RNLS: variants seen among roughly 807,000 people sequenced by gnomAD.
RNLS encodes renalase.
In RNLS, 39 loss-of-function variants were observed where a neutral mutation model predicts 39.8. That is an observed-to-expected ratio of 0.98 (90% CI 0.76 to 1.28). The LOEUF (loss-of-function observed/expected upper bound fraction) is 1.28. Ranked by LOEUF, RNLS falls within the 50% of genes most tolerant of loss-of-function variation. RNLS has a pLI of 0.00. For synonymous variants in RNLS, 147 were observed against 150.7 expected (o/e 0.98, Z 0.18); for missense variants, 410 against 413.3 (o/e 0.99, Z 0.07).
intron 4 of RNLS, among the ~76,000 whole-genome samples, chr10:88,443,159 C>G (rs1051891438): frequency 6.6e-6 from 1 of 152,316 alleles, no homozygotes; most frequent in East Asian, 1.9e-4. Flanking sequence ...ACAAATTTTA[C>G]AATTTTATGA....
At chr10:88,230,517 G>A in the RNLS span, among the ~76,000 whole-genome samples, 1 of 152,054 alleles carries the variant, frequency 6.6e-6, no homozygotes, top group Non-Finnish European at 1.5e-5. Context: ...CCCCTCCAAT[G>A]CATCTCACAC....
At chr10:88,218,601 G>T in the RNLS span, among the ~76,000 whole-genome samples, 1 of 152,164 alleles carries the variant, frequency 6.6e-6, no homozygotes, top group Non-Finnish European at 1.5e-5. Context: ...CCACTGTTAG[G>T]ATAAGCTATG....
In RNLS at chr10:88,284,553, C is replaced by T. The variant is rs1410693797; in HGVS notation, c.*801G>A. On this transcript the variant is annotated 3_prime_UTR_variant, in exon 7 of 7. Transcript: ENST00000331772. ...TTTGTTGTGTTAAATTCATTAAACT[C>T]GACACAGTCTAAATGCCACAGCACA... The T allele has an allele frequency of 7.3e-5, 72 of 985,072 alleles. 1 individual carries two copies. The highest frequency in any genetic ancestry group is 5.2e-4 in the Middle Eastern group (1 of 1,936). 61.0% of individuals were successfully genotyped at this position (985,072 alleles called of 1,614,324 possible).
chr10:88,197,060 A>G, the RNLS span, among the ~76,000 whole-genome samples: 1,431 of 152,298 alleles, frequency 9.4e-3, 12 homozygotes, highest in Middle Eastern at 0.014. Flanking sequence ...TTGAGCTTGT[A>G]CAGGAGATGA....
intron 4 of RNLS, among the ~76,000 whole-genome samples, chr10:88,485,607 C>A (rs1844447983): frequency 1.5e-5 from 2 of 130,794 alleles, no homozygotes; most frequent in African/African-American, 2.9e-5. Flanking sequence ...TTGTGACAGG[C>A]ATATTAGGCC....
chr10:88,493,187 G>T (rs1056892990), intron 4 of RNLS, among the ~76,000 whole-genome samples: 1 of 151,760 alleles, frequency 6.6e-6, no homozygotes, highest in African/African-American at 2.4e-5. Context: ...ATGAAAATCT[G>T]GTGCATATTT....
intron 4 of RNLS, among the ~76,000 whole-genome samples, chr10:88,555,170 G>A (rs2134356259): frequency 6.6e-6 from 1 of 152,012 alleles, no homozygotes; most frequent in Middle Eastern, 3.4e-3. Context: ...AGGTGATCAT[G>A]AAAAAGTGAG....
At chr10:88,242,674 G>T in the RNLS span, among the ~76,000 whole-genome samples, 8 of 152,176 alleles carry the variant, frequency 5.3e-5, no homozygotes, top group African/African-American at 1.9e-4. Context: ...AGGGAGGCTG[G>T]GCACGGTGGC....
At chr10:88,572,796 C>CA in intron 4 of RNLS, 107 bp downstream of exon 4, 1 of 1,152,964 alleles carries the variant, frequency 8.7e-7, no homozygotes, top group Non-Finnish European at 1.2e-6. Context: ...ACAGGCAAAT[C>CA]AATAGAGTCT....
chr10:88,399,543 A>G (rs1852786848), intron 4 of RNLS, among the ~76,000 whole-genome samples: 1 of 152,052 alleles, frequency 6.6e-6, no homozygotes, highest in African/African-American at 2.4e-5. Flanking sequence ...ACACAAGTCC[A>G]CAACTGTATT....
At chr10:88,262,550 C>T in the RNLS span, among the ~76,000 whole-genome samples, 18 of 152,190 alleles carry the variant, frequency 1.2e-4, no homozygotes, top group Non-Finnish European at 8.8e-5. Context: ...TGATTGGCTA[C>T]TAGTTTTCAG....
intron 4 of RNLS, among the ~76,000 whole-genome samples, chr10:88,526,370 GCTTC>G (rs1246787299): frequency 1.3e-5 from 2 of 151,658 alleles, no homozygotes; most frequent in African/African-American, 2.4e-5. Context: ...GTTTATTTAC[GCTTC>G]CTTATTTCCT....
the RNLS span, among the ~76,000 whole-genome samples, chr10:88,188,689 C>G: frequency 6.6e-6 from 1 of 152,126 alleles, no homozygotes; most frequent in Non-Finnish European, 1.5e-5. Context: ...AATTACTTAG[C>G]TTTTTTAAAA....
At chr10:88,507,124 C>T (rs372578662) in intron 4 of RNLS, among the ~76,000 whole-genome samples, 7 of 152,270 alleles carry the variant, frequency 4.6e-5, no homozygotes, top group South Asian at 2.1e-4. Context: ...ATGAAAATCA[C>T]GGCCAATGGC....
At chr10:88,353,683 T>C (rs1316607515) in intron 5 of RNLS, among the ~76,000 whole-genome samples, 1 of 152,224 alleles carries the variant, frequency 6.6e-6, no homozygotes, top group East Asian at 1.9e-4. Flanking sequence ...AGAATGTATA[T>C]TCTGTTGATT....
At chr10:88,299,129 T>C (rs1374743694) in intron 6 of RNLS, among the ~76,000 whole-genome samples, 1 of 152,222 alleles carries the variant, frequency 6.6e-6, no homozygotes, top group Non-Finnish European at 1.5e-5. Context: ...TATTGATTTG[T>C]GAGAGTTCTT....
intron 4 of RNLS, among the ~76,000 whole-genome samples, chr10:88,466,356 G>A (rs1843204294): frequency 1.3e-5 from 2 of 152,142 alleles, no homozygotes; most frequent in African/African-American, 4.8e-5. Context: ...GCTGAGGTGA[G>A]AAAACAGTTA....
intron 6 of RNLS, chr10:88,309,330 T>A: frequency 3.8e-6 from 4 of 1,065,456 alleles, no homozygotes; most frequent in East Asian, 6.3e-5. Flanking sequence ...CAAGAAAAAA[T>A]TAAAATATCA....
At chr10:88,283,244 T>C (rs190550712), downstream of RNLS, among the ~76,000 whole-genome samples, 5 of 152,284 alleles carry the variant, frequency 3.3e-5, no homozygotes, top group African/African-American at 4.8e-5. Context: ...GTTTTCAAAA[T>C]AATTAAAATA....
Sources: gnomAD v4.1 joint callset for allele counts (sites outside exome capture counted in the v4.1 genomes callset) on GRCh38, gnomAD v4.1.1 for gene constraint, MANE v1.5 for transcripts, NCBI Gene and HGNC (gene_info 2026-07-23, HGNC 2026-07-21) for gene names.